CAMTA1: variants seen among roughly 807,000 people sequenced by gnomAD.
CAMTA1 encodes calmodulin binding transcription activator 1.
Under a neutral mutation model 170.9 loss-of-function variants are expected in CAMTA1, and 27 were observed. The ratio of observed to expected loss-of-function variants is 0.16; its 90% CI spans 0.12 to 0.22. The LOEUF is 0.22. CAMTA1 is among the 10% of genes least tolerant of loss of function. The pLI, the probability that CAMTA1 is intolerant of heterozygous loss-of-function variation, is 1.00. For missense variants in CAMTA1, 1,619 were observed against 2,217.2 expected, an observed-to-expected ratio of 0.73 and a Z score of 5.42; for synonymous variants, 833 against 891.5, an observed-to-expected ratio of 0.93 and a Z score of 1.17.
chr1:7,320,656 T>TG lies in CAMTA1; in HGVS notation c.438+71030_438+71031insG, dbSNP rs1236663517. Among the ~76,000 whole-genome samples, 575 of 89,254 alleles carry TG rather than the reference T, an allele frequency of 6.4e-3. 5 individuals carry two copies. The highest frequency in any genetic ancestry group is 0.02 in the Middle Eastern group (2 of 98). 58.6% of individuals were successfully genotyped at this position (89,254 alleles called of 152,430 possible). ...CTGGGCTGTGCTGTGTGTGTTTTTT[T>TG]TTTTTTTTTTTTTTTTTTGCTATCT... is the stretch of plus-strand genomic sequence containing the variant. On this transcript the variant is annotated intron_variant, in intron 5 of 22. Transcript: ENST00000303635.
intron 4 of CAMTA1, among the ~76,000 whole-genome samples, chr1:7,111,907 A>C (rs1212617574): frequency 4.8e-5 from 7 of 147,122 alleles, no homozygotes; most frequent in East Asian, 4.0e-4. Flanking sequence ...AAAAAAAAAA[A>C]AAAAACCGAA....
intron 6 of CAMTA1, among the ~76,000 whole-genome samples, chr1:7,620,126 C>T (rs897406665): frequency 1.3e-5 from 2 of 152,104 alleles, no homozygotes; most frequent in African/African-American, 4.8e-5. Context: ...AGTTGAACAT[C>T]GTGGTACCAG....
Position 7,665,101 on chromosome 1 carries a change from G to C in CAMTA1, c.2554G>C (p.Val852Leu). 6.5e-7 allele frequency: 1 copy of C among 1,536,388 alleles called. No individual in the cohort carries two copies. The highest frequency in any genetic ancestry group is 1.3e-5 in the South Asian group (1 of 78,580). The change falls in exon 9 of 23, where the codon GTC becomes CTC. Residue 852 changes from valine (V) to leucine (L), a missense_variant. Transcript: ENST00000303635. This position sits in a 1 kb window ranked among gnomAD's most constrained non-coding sequence, Gnocchi z 4.3. ...GGCCTACATGCACGTCGCCGAGGTG[G>C]TCTCGGCCGCCTCGGCCCAGGGCAC... Reference protein sequence around the residue: ...TMAYMHVAEVVSAASAQGTLG... With the variant: ...TMAYMHVAEVLSAASAQGTLG...
intron 6 of CAMTA1, among the ~76,000 whole-genome samples, chr1:7,493,000 C>A (rs2093747157): frequency 6.7e-6 from 1 of 149,988 alleles, no homozygotes; most frequent in African/African-American, 2.5e-5. Flanking sequence ...AACGCGCACA[C>A]AAACACAAAC....
intron 3 of CAMTA1, among the ~76,000 whole-genome samples, chr1:6,926,438 C>CTCTTTCTT (rs70984040): frequency 0.072 from 9,117 of 125,998 alleles, 439 homozygotes; most frequent in Admixed American, 0.11. Context: ...TCTTTCTTTT[C>CTCTTTCTT]TCTTTCTTTC....
chr1:7,742,445 G>A (rs564069054), intron 16 of CAMTA1, among the ~76,000 whole-genome samples: 34 of 152,190 alleles, frequency 2.2e-4, no homozygotes, highest in Non-Finnish European at 3.4e-4. Context: ...TAGCAACTAC[G>A]TATATAATTG....
At chr1:6,929,719 G>A (rs1373668507) in intron 3 of CAMTA1, among the ~76,000 whole-genome samples, 1 of 151,592 alleles carries the variant, frequency 6.6e-6, no homozygotes, top group Admixed American at 6.6e-5. Context: ...GGCTGGTCTT[G>A]AACTCCTGAC....
At chr1:7,506,938 C>T (rs945050322) in intron 6 of CAMTA1, among the ~76,000 whole-genome samples, 9 of 152,014 alleles carry the variant, frequency 5.9e-5, no homozygotes, top group African/African-American at 2.2e-4. Flanking sequence ...CTTATGTACT[C>T]ACAATCAAAA....
chr1:7,730,359 G>T (rs2096722471), intron 11 of CAMTA1, among the ~76,000 whole-genome samples: 1 of 152,150 alleles, frequency 6.6e-6, no homozygotes, highest in Non-Finnish European at 1.5e-5. Flanking sequence ...CTCCCTGAAA[G>T]CCCTGCCTCA....
At chr1:7,698,941 AC>A (rs1399372046) in intron 11 of CAMTA1, 1 of 152,116 alleles carries the variant, frequency 6.6e-6, no homozygotes, top group Non-Finnish European at 1.5e-5. Context: ...CTGCCACTGC[AC>A]CCCACATTGG....
intron 3 of CAMTA1, among the ~76,000 whole-genome samples, chr1:6,856,910 G>A (rs927852113): frequency 6.6e-6 from 1 of 152,132 alleles, no homozygotes; most frequent in African/African-American, 2.4e-5. Context: ...GAAGTGAGGA[G>A]TGGGAGGTCT....
At chr1:7,494,949 G>A (rs924183412) in intron 6 of CAMTA1, among the ~76,000 whole-genome samples, 3 of 152,080 alleles carry the variant, frequency 2.0e-5, no homozygotes, top group Non-Finnish European at 4.4e-5. Context: ...TGTTCTCTAC[G>A]CCCTCAGACT....
At position 7,482,776 on chromosome 1, in the gene CAMTA1, T is replaced by TG. The variant is rs537401914; in HGVS notation, c.510+14879dup. ...TCGGTTCCAAAGAAATGAGCTCCCA[T>TG]GGGGTCTCATTTTGCCCTATCTGTG... On this transcript the variant is annotated intron_variant, in intron 6 of 22. Transcript: ENST00000303635. The surrounding 1 kb of genome is among the most constrained non-coding windows in gnomAD (Gnocchi z 4.2). Among the ~76,000 whole-genome samples, 95 of 152,314 alleles carry TG rather than the reference T, an allele frequency of 6.2e-4. No homozygotes were observed. Among genetic ancestry groups the TG allele is most frequent in the African/African-American group, 2.3e-3 (94 of 41,582 alleles).
intron 5 of CAMTA1, among the ~76,000 whole-genome samples, chr1:7,383,486 T>C (rs1031293753): frequency 6.6e-6 from 1 of 152,228 alleles, no homozygotes; most frequent in East Asian, 1.9e-4. Flanking sequence ...GGTTAACTTC[T>C]GTGTGCCTCA....
At chr1:7,410,959 C>CTGTGTGTGTA (rs374751247) in intron 5 of CAMTA1, among the ~76,000 whole-genome samples, 1 of 149,748 alleles carries the variant, frequency 6.7e-6, no homozygotes, top group Non-Finnish European at 1.5e-5. Context: ...GTGTGTATGT[C>CTGTGTGTGTA]TGTGTGTGTA....
chr1:6,944,226 G>A (rs931253355), intron 3 of CAMTA1, among the ~76,000 whole-genome samples: 7 of 152,208 alleles, frequency 4.6e-5, no homozygotes, highest in African/African-American at 1.7e-4. Context: ...AGGCTGAATA[G>A]CATTCTATTG....
chr1:6,801,149 G>A (rs970660607), intron 1 of CAMTA1, among the ~76,000 whole-genome samples: 13 of 152,204 alleles, frequency 8.5e-5, no homozygotes, highest in Non-Finnish European at 1.5e-4. Flanking sequence ...CCAAATTCAA[G>A]GCCCAGAGAT....
intron 11 of CAMTA1, among the ~76,000 whole-genome samples, chr1:7,708,804 A>G (rs1286693376): frequency 1.3e-5 from 2 of 152,194 alleles, no homozygotes; most frequent in African/African-American, 4.8e-5. Flanking sequence ...ATGAGGGTAA[A>G]TGTTTCTAGG....
chr1:6,795,488 C>G (rs952231465), intron 1 of CAMTA1, among the ~76,000 whole-genome samples: 4 of 152,114 alleles, frequency 2.6e-5, no homozygotes, highest in African/African-American at 9.7e-5. Flanking sequence ...AGCTACCATG[C>G]CCTGCCTAAA....
Sources: allele counts gnomAD v4.1 joint callset (sites outside exome capture counted in the v4.1 genomes callset), GRCh38; gene constraint gnomAD v4.1.1; non-coding constraint Gnocchi (gnomAD v3.1); transcripts MANE v1.5; gene names NCBI Gene and HGNC (gene_info 2026-07-23, HGNC 2026-07-21).